The following MPC1 variants were observed in gnomAD, a reference collection of about 807,000 sequenced individuals.
The protein encoded by MPC1 is HSPC040 protein.
A neutral mutation model predicts 13.9 loss-of-function variants in MPC1; 6 were observed. The ratio of observed to expected loss-of-function variants is 0.43; its 90% CI spans 0.24 to 0.85. The LOEUF is 0.85. MPC1 is among the 40% of genes least tolerant of loss of function. The pLI is 0.24. For missense variants in MPC1, 115 were observed against 143.3 expected (o/e 0.80, Z 1.01); for synonymous variants, 47 against 50.5 (o/e 0.93, Z 0.29).
intron 2 of MPC1, 173 bp from the exon 3 acceptor site, chr6:166,367,064 G>A: frequency 6.8e-7 from 1 of 1,477,652 alleles, no homozygotes; most frequent in East Asian, 2.7e-5. Flanking sequence ...GTATTGGATT[G>A]TCCAAGTGTT....
rs142426205 is a variant in MPC1, at chr6:166,371,971, T to C, written c.72-1750A>G. Among the ~76,000 whole-genome samples the C allele has an allele frequency of 8.6e-4, 131 of 152,168 alleles. 1 individual carries two copies. Among genetic ancestry groups the C allele is most frequent in the African/African-American group, 2.8e-3 (117 of 41,522 alleles). Reference sequence around the variant, plus strand: ...GAAGGAGAAACTGCAGATGAGGGGGTACTACTATGTGCTTCAGATAGGTTA... The same window carrying C: ...GAAGGAGAAACTGCAGATGAGGGGGCACTACTATGTGCTTCAGATAGGTTA... On this transcript the variant is annotated intron_variant, in intron 1 of 4. Coordinates refer to ENST00000360961, the MANE Select transcript of MPC1 (RefSeq NM_016098.4).
chr6:166,368,557 G>GAAAAAA (rs11370568), intron 2 of MPC1, among the ~76,000 whole-genome samples: 1 of 114,246 alleles, frequency 8.8e-6, no homozygotes, highest in Non-Finnish European at 1.7e-5. Flanking sequence ...CCGTCTCAGG[G>GAAAAAA]AAAAAAAAAA....
intron 2 of MPC1, chr6:166,368,686 C>G: frequency 2.2e-6 from 2 of 906,930 alleles, no homozygotes; most frequent in Non-Finnish European, 2.6e-6. Flanking sequence ...TCCTTATTCC[C>G]CAGACTTTTG....
At chr6:166,367,078 G>A in intron 2 of MPC1, 187 bp from the exon 3 acceptor site, 1 of 1,452,402 alleles carries the variant, frequency 6.9e-7, no homozygotes, top group Admixed American at 2.1e-5. Flanking sequence ...AAGTGTTCCT[G>A]TAGGAATCAG....
chr6:166,368,783 C>T, intron 2 of MPC1: 1 of 985,360 alleles, frequency 1.0e-6, no homozygotes, highest in South Asian at 4.7e-5. Context: ...TTTCAACTCT[C>T]TATTATTCCA....
chr6:166,376,290 G>T (rs1779567389), intron 1 of MPC1, among the ~76,000 whole-genome samples: 1 of 152,146 alleles, frequency 6.6e-6, no homozygotes, highest in Non-Finnish European at 1.5e-5. Context: ...GAGTCCAAAG[G>T]CCTGAGAACT....
chr6:166,376,178 G>A (rs6940632), intron 1 of MPC1, among the ~76,000 whole-genome samples: 3,872 of 140,892 alleles, frequency 0.027, 179 homozygotes, highest in African/African-American at 0.092. Flanking sequence ...GTGTGTGTGT[G>A]TATATATATA....
chr6:166,379,991 T>C (rs569800974), intron 1 of MPC1, among the ~76,000 whole-genome samples: 1 of 152,314 alleles, frequency 6.6e-6, no homozygotes, highest in South Asian at 2.1e-4. Flanking sequence ...TGGCCCTCAA[T>C]CACTGTTTGG....
intron 1 of MPC1, 192 bp from the exon 2 acceptor site, chr6:166,370,413 TAAG>T: frequency 3.7e-6 from 2 of 541,908 alleles, no homozygotes; most frequent in Non-Finnish European, 6.5e-6. Flanking sequence ...TTATTTCTAA[TAAG>T]AACTTTGACT....
intron 1 of MPC1, among the ~76,000 whole-genome samples, chr6:166,370,925 T>C (rs1404196515): frequency 6.6e-6 from 1 of 152,244 alleles, no homozygotes; most frequent in East Asian, 1.9e-4. Flanking sequence ...GCAAAAAACA[T>C]TTTAATTTCA....
intron 1 of MPC1, among the ~76,000 whole-genome samples, chr6:166,382,573 C>T (rs1203400879): frequency 1.3e-5 from 2 of 151,704 alleles, no homozygotes; most frequent in African/African-American, 4.9e-5. Flanking sequence ...TCACCCCCGC[C>T]CTGAAAGGCG....
In MPC1 at chr6:166,365,507, C is replaced by T. The variant is rs951264734; in HGVS notation, c.306-54G>A. The T allele has an allele frequency of 6.8e-5, 99 of 1,461,634 alleles. No individual in the cohort carries two copies. Among genetic ancestry groups the T allele is most frequent in the Middle Eastern group, 1.8e-4 (1 of 5,704 alleles). 90.5% of individuals were successfully genotyped at this position (1,461,634 alleles called of 1,614,324 possible). On this transcript the variant is annotated intron_variant, in intron 4 of 4. Coordinates refer to ENST00000360961, the MANE Select transcript of MPC1 (RefSeq NM_016098.4). This position sits in a 1 kb window ranked among gnomAD's most constrained non-coding sequence, Gnocchi z 4.2. ...TGAGAAACAAAATTTCAATGCCAAT[C>T]GCAAGGGCTTTGGATGGCTTTTAAA...
intron 2 of MPC1, chr6:166,367,131 C>A (rs1779190260): frequency 7.5e-7 from 1 of 1,336,616 alleles, no homozygotes; most frequent in African/African-American, 1.5e-5. Context: ...GGTTTGGCAG[C>A]TTCCCAAGGT....
At chr6:166,380,299 T>C (rs1234766620) in intron 1 of MPC1, among the ~76,000 whole-genome samples, 3 of 152,222 alleles carry the variant, frequency 2.0e-5, no homozygotes, top group African/African-American at 7.2e-5. Flanking sequence ...TTAAACCCAT[T>C]TGATGGACAA....
intron 1 of MPC1, among the ~76,000 whole-genome samples, chr6:166,375,928 A>C (rs1387704129): frequency 1.3e-5 from 2 of 152,186 alleles, no homozygotes; most frequent in Non-Finnish European, 2.9e-5. Flanking sequence ...GAGTTAAATT[A>C]TGTCCGTACT....
At chr6:166,380,806 G>A (rs769477754) in intron 1 of MPC1, among the ~76,000 whole-genome samples, 57 of 151,572 alleles carry the variant, frequency 3.8e-4, no homozygotes, top group Non-Finnish European at 7.4e-4. Context: ...TGGCGTGGTG[G>A]TGCATGCTTG....
At position 166,365,959 on chromosome 6, in the gene MPC1, T is replaced by C. The variant is rs1330151008; in HGVS notation, c.305+15A>G. The stretch of plus-strand genomic sequence containing the variant: ...AATTCCTGAAAAGAAAGTAACTAAA[T>C]TGAAATCTGCTTACTCGTGTTTGAT... On this transcript the variant is annotated intron_variant, in intron 4 of 4. Transcript: ENST00000360961. This position sits in a 1 kb window ranked among gnomAD's most constrained non-coding sequence, Gnocchi z 4.2. 3.1e-6 allele frequency: 5 copies of C among 1,604,106 alleles called. No homozygotes were observed. The highest frequency in any genetic ancestry group is 2.7e-5 in the African/African-American group (2 of 74,506).
intron 1 of MPC1, chr6:166,381,897 G>A (rs1562462780): frequency 1.2e-6 from 1 of 813,710 alleles, no homozygotes; most frequent in South Asian, 5.6e-5. Context: ...GCGAACCCAA[G>A]GCCAGCACAT....
intron 1 of MPC1, among the ~76,000 whole-genome samples, chr6:166,378,694 G>T (rs1779659326): frequency 6.6e-6 from 1 of 152,124 alleles, no homozygotes; most frequent in South Asian, 2.1e-4. Flanking sequence ...TAAGAAAAAG[G>T]TATTGGAATA....
Sources: allele counts gnomAD v4.1 joint callset (sites outside exome capture counted in the v4.1 genomes callset), GRCh38; gene constraint gnomAD v4.1.1; non-coding constraint Gnocchi (gnomAD v3.1); transcripts MANE v1.5; gene names NCBI Gene and HGNC (gene_info 2026-07-23, HGNC 2026-07-21).